CEBPG: variants seen among roughly 807,000 people sequenced by gnomAD.
CEBPG encodes CCAAT/enhancer-binding protein gamma.
CEBPG carries 6 observed loss-of-function variants against 11.1 expected under a neutral mutation model. The observed-to-expected ratio is 0.54, with a 90% CI of 0.30 to 1.07. The LOEUF is 1.07. CEBPG is among the 50% of genes least tolerant of loss of function. The pLI, the probability that CEBPG is intolerant of heterozygous loss-of-function variation, is 0.07. For synonymous variants in CEBPG, 66 were observed against 71.0 expected (o/e 0.93, Z 0.36); for missense variants, 161 against 187.4 (o/e 0.86, Z 0.82).
intron 1 of CEBPG, among the ~76,000 whole-genome samples, chr19:33,376,048 G>A (rs1967907738): frequency 6.7e-6 from 1 of 148,474 alleles, no homozygotes; most frequent in African/African-American, 2.6e-5. Flanking sequence ...GAGAGGAAGA[G>A]TAGATGGGAA....
intron 1 of CEBPG, among the ~76,000 whole-genome samples, chr19:33,376,678 C>T (rs1241807664): frequency 6.6e-6 from 1 of 152,208 alleles, no homozygotes; most frequent in East Asian, 1.9e-4. Flanking sequence ...GGAAGCCAGG[C>T]GCCGCCCTGC....
intron 1 of CEBPG, 131 bp downstream of exon 1, chr19:33,374,026 G>A: frequency 6.6e-6 from 1 of 150,468 alleles, no homozygotes; most frequent in Admixed American, 6.6e-5. Context: ...GGCCCGGGAA[G>A]GCCACGCGAG....
In CEBPG at chr19:33,381,732, CTT is replaced by C. The variant is rs1256787379; in HGVS notation, c.*2041_*2042del. The stretch of plus-strand genomic sequence containing the variant: ...AATTTATACCAGTTATATGAATTGA[CTT>C]AAGTATCTTGAAAAAGAAACTTTAG... On this transcript the variant is annotated 3_prime_UTR_variant, in exon 2 of 2. Coordinates refer to ENST00000284000, the MANE Select transcript of CEBPG (RefSeq NM_001806.4). 1 of 167,034 alleles carries C rather than the reference CTT, an allele frequency of 6.0e-6. No individual in the cohort carries two copies. Among genetic ancestry groups the C allele is most frequent in the African/African-American group, 2.4e-5 (1 of 41,444 alleles). The allele number at this position is 167,034 out of a possible 1,614,324, so 10.3% of individuals were successfully genotyped here.
chr19:33,374,422 C>T (rs1967885599), intron 1 of CEBPG: 1 of 152,208 alleles, frequency 6.6e-6, no homozygotes, highest in Non-Finnish European at 1.5e-5. Context: ...ATAGGGAAAG[C>T]AACTGGTTTT....
rs1172985753 is a variant in CEBPG, at chr19:33,381,411, A to G, written c.*1719A>G. On this transcript the variant is annotated 3_prime_UTR_variant, in exon 2 of 2. Transcript: ENST00000284000. ...CCTTCTGAATGTAAAACTGGAGCCCAGGAGAAGCTGTCCCAGGAGGGCTGT... is the reference window on the plus strand; with the variant it reads ...CCTTCTGAATGTAAAACTGGAGCCCGGGAGAAGCTGTCCCAGGAGGGCTGT... 2 of 167,104 alleles carry G rather than the reference A, an allele frequency of 1.2e-5. No individual in the cohort carries two copies. The highest frequency in any genetic ancestry group is 2.9e-5 in the Non-Finnish European group (2 of 68,150). The allele number at this position is 167,104 out of a possible 1,614,324, so 10.4% of individuals were successfully genotyped here.
chr19:33,378,719 C>T (rs1270140599), intron 1 of CEBPG, among the ~76,000 whole-genome samples: 1 of 152,192 alleles, frequency 6.6e-6, no homozygotes, highest in Non-Finnish European at 1.5e-5. Context: ...ACAGGGTGCG[C>T]AACCCCAGCC....
chr19:33,378,893 G>T (rs1967947074), intron 1 of CEBPG, among the ~76,000 whole-genome samples: 2 of 152,158 alleles, frequency 1.3e-5, no homozygotes, highest in African/African-American at 4.8e-5. Flanking sequence ...TCCCATTTTT[G>T]ATAACAATCG....
In CEBPG at chr19:33,379,238, A is replaced by C; in HGVS notation, c.-2A>C. The stretch of plus-strand genomic sequence containing the variant: ...TCTGTGTTGGCAAGGGAGAGTGCCC[A>C]AATGAGCAAGATATCGCAGCAAAAC... On this transcript the variant is annotated 5_prime_UTR_variant, in exon 2 of 2. Transcript: ENST00000284000. The C allele has an allele frequency of 6.5e-7, 1 of 1,531,616 alleles. No homozygotes were observed. Among genetic ancestry groups the C allele is most frequent in the Non-Finnish European group, 8.8e-7 (1 of 1,139,864 alleles). The allele number at this position is 1,531,616 out of a possible 1,614,324, so 94.9% of individuals were successfully genotyped here. A position where few individuals can be genotyped will look rare whatever the true frequency, so the allele number is the denominator to read the frequency against.
chr19:33,377,107 A>G (rs1469084), intron 1 of CEBPG, among the ~76,000 whole-genome samples: 90,385 of 152,120 alleles, frequency 0.59, 27,369 homozygotes, highest in African/African-American at 0.72. Flanking sequence ...AGAGGTGAAA[A>G]AGCCCTTCCC....
Position 33,379,737 on chromosome 19 carries a change from AGG to A in CEBPG, c.*46_*47del. ...TTAGAGCTTGTGGCTTGAATGTTAA[AGG>A]TGTGACCACCGACACCACTCATGTC... On this transcript the variant is annotated 3_prime_UTR_variant, in exon 2 of 2. Transcript: ENST00000284000. 6.6e-7 allele frequency: 1 copy of A among 1,525,210 alleles called. No individual in the cohort carries two copies. The highest frequency in any genetic ancestry group is 8.9e-7 in the Non-Finnish European group (1 of 1,127,436). The allele number at this position is 1,525,210 out of a possible 1,614,324, so 94.5% of individuals were successfully genotyped here. A position where few individuals can be genotyped will look rare whatever the true frequency, so the allele number is the denominator to read the frequency against.
chr19:33,379,148 A>G lies in CEBPG; in HGVS notation c.-92A>G. 1 of 1,110,614 alleles carries G rather than the reference A, an allele frequency of 9.0e-7. No homozygotes were observed. The highest frequency in any genetic ancestry group is 1.3e-6 in the Non-Finnish European group (1 of 795,916). The allele number at this position is 1,110,614 out of a possible 1,614,324, so 68.8% of individuals were successfully genotyped here. A position where few individuals can be genotyped will look rare whatever the true frequency, so the allele number is the denominator to read the frequency against. ...TGCAATTTATTTTTTAACTAGGTAC[A>G]TGTGAAGATTTTTTGGCAGCTTAGC... On this transcript the variant is annotated 5_prime_UTR_variant, in exon 2 of 2. It removes an upstream start codon present in the reference 5' UTR. Coordinates refer to ENST00000284000, the MANE Select transcript of CEBPG (RefSeq NM_001806.4).
intron 1 of CEBPG, among the ~76,000 whole-genome samples, chr19:33,377,490 A>G (rs777700861): frequency 1.3e-5 from 2 of 152,254 alleles, no homozygotes; most frequent in Non-Finnish European, 2.9e-5. Flanking sequence ...GATTGTTAAG[A>G]CAGTCTCAGG....
chr19:33,381,533 T>G lies in CEBPG; in HGVS notation c.*1841T>G, dbSNP rs1052370501. ...ATCTACCCATGAAGGATGAGAGATG[T>G]TTTGAAAAACTAGCCAGGACACACC... is the stretch of plus-strand genomic sequence containing the variant. On this transcript the variant is annotated 3_prime_UTR_variant, in exon 2 of 2. Coordinates refer to ENST00000284000, the MANE Select transcript of CEBPG (RefSeq NM_001806.4). The G allele has an allele frequency of 1.8e-4, 30 of 167,124 alleles. No homozygotes were observed. The highest frequency in any genetic ancestry group is 7.0e-4 in the African/African-American group (29 of 41,562). The allele number at this position is 167,124 out of a possible 1,614,324, so 10.4% of individuals were successfully genotyped here.
chr19:33,380,451 C>G lies in CEBPG; in HGVS notation c.*759C>G, dbSNP rs184655798. 6.0e-6 allele frequency: 1 copy of G among 167,000 alleles called. No individual in the cohort carries two copies. Among genetic ancestry groups the G allele is most frequent in the Non-Finnish European group, 1.5e-5 (1 of 68,108 alleles). The allele number at this position is 167,000 out of a possible 1,614,324, so 10.3% of individuals were successfully genotyped here. On this transcript the variant is annotated 3_prime_UTR_variant, in exon 2 of 2. Transcript: ENST00000284000. ...TTGGCATTGTTTTATTCTAAAAACC[C>G]AACTCAGTGGTGTAGAGAAACTTGT...
Position 33,381,068 on chromosome 19 carries a change from C to A in CEBPG, c.*1376C>A, listed in dbSNP as rs931988957. 7.2e-5 allele frequency: 12 copies of A among 166,956 alleles called. No homozygotes were observed. In the East Asian group the frequency reaches 2.3e-3, roughly 32 times the overall value. 10.3% of individuals were successfully genotyped at this position (166,956 alleles called of 1,614,324 possible). On this transcript the variant is annotated 3_prime_UTR_variant, in exon 2 of 2. Transcript: ENST00000284000. ...TCTTTGTCAACGTTTTTTCTTCTCT[C>A]TTTTGCTTTCTTTTCTTTCTCTTTT...
chr19:33,379,052 A>G (rs1600063882), intron 1 of CEBPG, 92 bp from the exon 2 acceptor site: 2 of 508,858 alleles, frequency 3.9e-6, no homozygotes, highest in East Asian at 3.1e-5. Flanking sequence ...AGCAGAATCA[A>G]TTAATGTTGG....
At position 33,379,510 on chromosome 19, in the gene CEBPG, C is replaced by G. The variant is rs1182210004; in HGVS notation, c.271C>G (p.Leu91Val). 7 of 1,614,056 alleles carry G rather than the reference C, an allele frequency of 4.3e-6. No individual in the cohort carries two copies. Among genetic ancestry groups the G allele is most frequent in the Middle Eastern group, 1.6e-4 (1 of 6,062 alleles). Reference protein sequence around the residue: ...LKSKQKAQDTLQRVNQLKEEN... With the variant: ...LKSKQKAQDTVQRVNQLKEEN... ...AAGCAAGCAGAAAGCACAAGACACA[C>G]TGCAGAGAGTCAATCAGCTCAAAGA... Residue 91 changes from leucine to valine, a missense_variant, in exon 2 of 2, where the codon CTG becomes GTG. Transcript: ENST00000284000.
intron 1 of CEBPG, among the ~76,000 whole-genome samples, chr19:33,376,932 A>G (rs985253945): frequency 1.3e-5 from 2 of 152,228 alleles, no homozygotes; most frequent in African/African-American, 2.4e-5. Flanking sequence ...AGAACTTACT[A>G]AACAAAACAT....
At chr19:33,377,510 A>G (rs1967925811) in intron 1 of CEBPG, among the ~76,000 whole-genome samples, 1 of 152,240 alleles carries the variant, frequency 6.6e-6, no homozygotes, top group Non-Finnish European at 1.5e-5. Flanking sequence ...GGGAGGTGTT[A>G]AACAAGTTCT....
Sources: allele counts gnomAD v4.1 joint callset (sites outside exome capture counted in the v4.1 genomes callset), GRCh38; gene constraint gnomAD v4.1.1; transcripts MANE v1.5; gene names NCBI Gene and HGNC (gene_info 2026-07-23, HGNC 2026-07-21).